HERPUD2: variants seen among roughly 807,000 people sequenced by gnomAD.
The protein encoded by HERPUD2 is HERPUD family member 2, also known as homocysteine-responsive endoplasmic reticulum-resident ubiquitin-like domain member 2 protein.
In HERPUD2, 13 loss-of-function variants were observed where a neutral mutation model predicts 49.9. That is an observed-to-expected ratio of 0.26 (90% CI 0.17 to 0.41). The LOEUF is 0.41. Among genes scored for constraint, HERPUD2 ranks in the 10% least tolerant of loss-of-function variants. The pLI, the probability that HERPUD2 is intolerant of heterozygous loss-of-function variation, is 1.00. For missense variants in HERPUD2, 449 were observed against 492.2 expected, an observed-to-expected ratio of 0.91 and a Z score of 0.83; for synonymous variants, 172 against 171.4, an observed-to-expected ratio of 1.00 and a Z score of -0.03.
intron 5 of HERPUD2, among the ~76,000 whole-genome samples, chr7:35,646,225 A>T (rs933393662): frequency 6.6e-6 from 1 of 152,218 alleles, no homozygotes; most frequent in African/African-American, 2.4e-5. Flanking sequence ...GGTTACCAAC[A>T]CAGTAAAAAT....
At chr7:35,638,513 G>A in intron 5 of HERPUD2, 41 bp from the exon 6 acceptor site, 1 of 1,569,768 alleles carries the variant, frequency 6.4e-7, no homozygotes, top group South Asian at 1.2e-5. Flanking sequence ...TGCTCTAGCA[G>A]CTAAAAGTAT....
chr7:35,639,516 A>G (rs1054313695), intron 5 of HERPUD2, among the ~76,000 whole-genome samples: 1 of 152,176 alleles, frequency 6.6e-6, no homozygotes, highest in Admixed American at 6.5e-5. Context: ...ACATGATGCC[A>G]AAGTGTATAA....
intron 2 of HERPUD2, among the ~76,000 whole-genome samples, chr7:35,692,800 C>T (rs1316163664): frequency 1.3e-5 from 2 of 152,154 alleles, no homozygotes; most frequent in South Asian, 2.1e-4. Context: ...AAACTTAATA[C>T]TACAACACTG....
At chr7:35,643,590 G>A (rs1290193721) in intron 5 of HERPUD2, among the ~76,000 whole-genome samples, 1 of 151,820 alleles carries the variant, frequency 6.6e-6, no homozygotes, top group Non-Finnish European at 1.5e-5. Context: ...ATATTTATAT[G>A]TGTGTATACA....
intron 3 of HERPUD2, among the ~76,000 whole-genome samples, 175 bp downstream of exon 3, chr7:35,673,026 A>G (rs1247462031): frequency 6.6e-6 from 1 of 152,148 alleles, no homozygotes; most frequent in East Asian, 1.9e-4. Flanking sequence ...CAGAACTGTT[A>G]CCTAAACTAA....
chr7:35,638,510 G>C (rs1224415528), intron 5 of HERPUD2, 38 bp from the exon 6 acceptor site: 2 of 1,582,474 alleles, frequency 1.3e-6, no homozygotes, highest in South Asian at 1.1e-5. Flanking sequence ...TAATGCTCTA[G>C]CAGCTAAAAG....
intron 5 of HERPUD2, among the ~76,000 whole-genome samples, chr7:35,644,291 A>T (rs1404035603): frequency 6.6e-6 from 1 of 152,106 alleles, no homozygotes; most frequent in Non-Finnish European, 1.5e-5. Flanking sequence ...AATTGAATTT[A>T]ATCAGGCCCT....
At chr7:35,651,326 G>A (rs1335549057) in intron 5 of HERPUD2, among the ~76,000 whole-genome samples, 1 of 151,996 alleles carries the variant, frequency 6.6e-6, no homozygotes, top group Non-Finnish European at 1.5e-5. Context: ...ATGCCACACT[G>A]GGGCCTAAGG....
chr7:35,689,593 T>C (rs1177979735), intron 2 of HERPUD2, among the ~76,000 whole-genome samples: 2 of 152,220 alleles, frequency 1.3e-5, no homozygotes, highest in African/African-American at 4.8e-5. Flanking sequence ...TGGAGTGTTA[T>C]AATCTCACAA....
chr7:35,691,667 C>T (rs925116201), intron 2 of HERPUD2, among the ~76,000 whole-genome samples: 8 of 152,202 alleles, frequency 5.3e-5, no homozygotes, highest in Non-Finnish European at 1.2e-4. Flanking sequence ...CACTTGAAAA[C>T]TAAAACACAG....
intron 2 of HERPUD2, among the ~76,000 whole-genome samples, chr7:35,683,601 T>C (rs866621632): frequency 2.0e-5 from 3 of 152,306 alleles, no homozygotes; most frequent in African/African-American, 7.2e-5. Context: ...AACTTCTGCA[T>C]AGCAAAAGGA....
At chr7:35,676,874 T>C (rs1248437332) in intron 2 of HERPUD2, among the ~76,000 whole-genome samples, 1 of 152,208 alleles carries the variant, frequency 6.6e-6, no homozygotes, top group Non-Finnish European at 1.5e-5. Flanking sequence ...TTACTAACAA[T>C]ATTGAACAAA....
chr7:35,683,421 C>T (rs1448114576), intron 2 of HERPUD2, among the ~76,000 whole-genome samples: 1 of 152,130 alleles, frequency 6.6e-6, no homozygotes, highest in Non-Finnish European at 1.5e-5. Flanking sequence ...AAAATCAACT[C>T]AAGATGGATT....
chr7:35,666,244 T>A (rs1249837152), intron 5 of HERPUD2, among the ~76,000 whole-genome samples: 1 of 152,250 alleles, frequency 6.6e-6, no homozygotes, highest in Non-Finnish European at 1.5e-5. Flanking sequence ...ACAGGTACTT[T>A]ATGAAAGTCT....
intron 5 of HERPUD2, among the ~76,000 whole-genome samples, chr7:35,660,252 C>T (rs368973529): frequency 6.6e-6 from 1 of 152,252 alleles, no homozygotes; most frequent in Admixed American, 6.5e-5. Flanking sequence ...GTATATGTGC[C>T]ACATTTTCTT....
intron 5 of HERPUD2, among the ~76,000 whole-genome samples, chr7:35,665,020 G>T (rs191093903): frequency 1.1e-4 from 16 of 152,144 alleles, no homozygotes; most frequent in Non-Finnish European, 1.2e-4. Context: ...AGTGCCAGTC[G>T]CCCCCCTACT....
At chr7:35,664,380 T>A (rs1477365871) in intron 5 of HERPUD2, among the ~76,000 whole-genome samples, 1 of 152,224 alleles carries the variant, frequency 6.6e-6, no homozygotes, top group Non-Finnish European at 1.5e-5. Flanking sequence ...GGAATTGCTA[T>A]TCTCGAGGAG....
At chr7:35,656,382 C>A (rs1785275323) in intron 5 of HERPUD2, among the ~76,000 whole-genome samples, 3 of 151,932 alleles carry the variant, frequency 2.0e-5, no homozygotes, top group South Asian at 4.1e-4. Context: ...GAGCTCATAT[C>A]ATTAAAATTA....
intron 2 of HERPUD2, among the ~76,000 whole-genome samples, chr7:35,686,823 GGGGGGGT>G (rs1455191513): frequency 0.015 from 211 of 13,938 alleles, 3 homozygotes; most frequent in African/African-American, 0.033. Flanking sequence ...GGGGGGGGGT[GGGGGGGT>G]GGGGGGGGGC....
Sources: gnomAD v4.1 joint callset for allele counts (sites outside exome capture counted in the v4.1 genomes callset) on GRCh38, gnomAD v4.1.1 for gene constraint, MANE v1.5 for transcripts, NCBI Gene and HGNC (gene_info 2026-07-23, HGNC 2026-07-21) for gene names.